SSBP2: variants seen among roughly 807,000 people sequenced by gnomAD.
SSBP2 encodes single-stranded DNA-binding protein 2.
SSBP2 carries 17 observed loss-of-function variants against 61.8 expected under a neutral mutation model. That is an observed-to-expected ratio of 0.28 (90% CI 0.19 to 0.41). The LOEUF (loss-of-function observed/expected upper bound fraction) is 0.41, where lower values mean the gene tolerates loss of function less well. Ranked by LOEUF, SSBP2 falls within the 10% of genes least tolerant of loss-of-function variation. The probability of loss-of-function intolerance (pLI) is 1.00; values close to 1 mark genes in which losing one functional copy is unlikely to be tolerated. For synonymous variants in SSBP2, 139 were observed against 141.3 expected, an observed-to-expected ratio of 0.98 and a Z score of 0.12; for missense variants, 310 against 458.7, an observed-to-expected ratio of 0.68 and a Z score of 2.96.
chr5:81,744,885 TGA>T (rs1288762560), intron 1 of SSBP2, among the ~76,000 whole-genome samples: 4 of 152,130 alleles, frequency 2.6e-5, no homozygotes, highest in Admixed American at 2.6e-4. Context: ...TCTAAAGAAA[TGA>T]CACCAACTGA....
intron 4 of SSBP2, among the ~76,000 whole-genome samples, chr5:81,571,325 T>TAG (rs1387511846): frequency 6.6e-6 from 1 of 152,166 alleles, no homozygotes. Flanking sequence ...TTGAAGGCTT[T>TAG]AGCAAGACAT....
At chr5:81,423,406 G>C (rs1761735482) in intron 16 of SSBP2, among the ~76,000 whole-genome samples, 1 of 152,170 alleles carries the variant, frequency 6.6e-6, no homozygotes, top group East Asian at 1.9e-4. Context: ...ACCAGTAAAA[G>C]ATACTAAGCA....
rs71000859 is a variant in SSBP2 at position 81,739,164 on chromosome 5, C to CAAAAA, written c.62+11812_62+11816dup. On this transcript the variant is annotated intron_variant, in intron 1 of 16. Coordinates refer to ENST00000320672, the MANE Select transcript of SSBP2 (RefSeq NM_012446.5). The stretch of plus-strand genomic sequence containing the variant: ...TGGTGACAGAGTGAGACTCCATCTC[C>CAAAAA]AAAAAAAAAAAAAAAAAAAAAAAAA... Among the ~76,000 whole-genome samples the CAAAAA allele has an allele frequency of 3.0e-3, 154 of 51,092 alleles. 8 individuals are homozygous for CAAAAA. The highest frequency in any genetic ancestry group is 9.9e-3 in the African/African-American group (138 of 14,002). The allele number at this position is 51,092 out of a possible 152,430, so 33.5% of individuals were successfully genotyped here.
chr5:81,618,293 G>T lies in SSBP2; in HGVS notation c.198-2736C>A, dbSNP rs1430326758. On this transcript the variant is annotated intron_variant, in intron 3 of 16. Coordinates refer to ENST00000320672, the MANE Select transcript of SSBP2 (RefSeq NM_012446.5). ...CCAATGGAAAACAAAAAAAGGCAGG[G>T]GTTGCAATCCTAGTTTCTGATAAAA... is the stretch of plus-strand genomic sequence containing the variant. 3.0e-5 allele frequency among the ~76,000 whole-genome samples: 3 copies of T among 99,750 alleles called. 1 individual carries two copies. The highest frequency in any genetic ancestry group is 9.8e-5 in the African/African-American group (3 of 30,678). The allele number at this position is 99,750 out of a possible 152,430, so 65.4% of individuals were successfully genotyped here.
chr5:81,525,583 T>C (rs1230830517), intron 4 of SSBP2, among the ~76,000 whole-genome samples: 1 of 152,046 alleles, frequency 6.6e-6, no homozygotes, highest in African/African-American at 2.4e-5. Context: ...CTACCTGCAG[T>C]TGGATTCCCT....
In SSBP2 at chr5:81,679,350, A is replaced by G. The variant is rs114880780; in HGVS notation, c.63-29011T>C. Among the ~76,000 whole-genome samples, 1,310 of 152,346 alleles carry G rather than the reference A, an allele frequency of 8.6e-3. 14 individuals are homozygous for G. The highest frequency in any genetic ancestry group is 0.029 in the African/African-American group (1,226 of 41,580). The stretch of plus-strand genomic sequence containing the variant: ...CATTGACCTAATAGATAGTTGGTTC[A>G]AAGTAAAATATCAACAATGTATTTG... On this transcript the variant is annotated intron_variant, in intron 1 of 16. Coordinates refer to ENST00000320672, the MANE Select transcript of SSBP2 (RefSeq NM_012446.5).
At chr5:81,548,707 G>A (rs2154126589) in intron 4 of SSBP2, among the ~76,000 whole-genome samples, 1 of 152,274 alleles carries the variant, frequency 6.6e-6, no homozygotes, top group East Asian at 1.9e-4. Context: ...TGGATCACGA[G>A]GTCAGGAGAT....
intron 8 of SSBP2, among the ~76,000 whole-genome samples, chr5:81,470,933 CCT>C (rs1399672827): frequency 6.6e-5 from 10 of 151,624 alleles, no homozygotes; most frequent in Admixed American, 2.0e-4. Flanking sequence ...ATAAGATTCC[CCT>C]GATTCCAAAT....
intron 1 of SSBP2, among the ~76,000 whole-genome samples, chr5:81,707,934 TAAG>T (rs1250511825): frequency 2.0e-5 from 3 of 152,156 alleles, no homozygotes; most frequent in Non-Finnish European, 4.4e-5. Flanking sequence ...CACGTTGCTT[TAAG>T]AAAAAGAGCA....
rs1162684256 is a variant in SSBP2 at position 81,414,598 on chromosome 5, T to C, written c.*5906A>G. 6.6e-6 allele frequency: 1 copy of C among 152,210 alleles called. No individual in the cohort carries two copies. Among genetic ancestry groups the C allele is most frequent in the African/African-American group, 2.4e-5 (1 of 41,452 alleles). 9.4% of individuals were successfully genotyped at this position (152,210 alleles called of 1,614,324 possible). On this transcript the variant is annotated 3_prime_UTR_variant, in exon 17 of 17. Transcript: ENST00000320672. ...TAAACAAATGTCTGTATCAAACCAC[T>C]ATAATTACTGTGTAACACCTTGTAG...
intron 15 of SSBP2, among the ~76,000 whole-genome samples, chr5:81,431,521 C>T (rs1580661160): frequency 6.6e-6 from 1 of 152,090 alleles, no homozygotes; most frequent in Admixed American, 6.6e-5. Flanking sequence ...ACAATTTCCT[C>T]TGGCTGCCAT....
chr5:81,461,191 T>C (rs1426798458), intron 9 of SSBP2, 88 bp from the exon 10 acceptor site: 2 of 1,034,882 alleles, frequency 1.9e-6, no homozygotes, highest in Non-Finnish European at 2.7e-6. Context: ...ATAACATTTA[T>C]AATTCAGTTA....
chr5:81,676,091 C>T (rs115060440), intron 1 of SSBP2, among the ~76,000 whole-genome samples: 227 of 152,288 alleles, frequency 1.5e-3, no homozygotes, highest in African/African-American at 5.2e-3. Flanking sequence ...TAAATGCCAT[C>T]GCTTCTCTGT....
chr5:81,746,917 C>T (rs1215203568), intron 1 of SSBP2, among the ~76,000 whole-genome samples: 2 of 149,502 alleles, frequency 1.3e-5, no homozygotes, highest in Non-Finnish European at 3.0e-5. Flanking sequence ...ACTCTTTCTG[C>T]GGTAGTGTGG....
rs1435857062 is a variant in SSBP2 at position 81,450,457 on chromosome 5, C to CA, written c.688-1633dup. Among the ~76,000 whole-genome samples the CA allele has an allele frequency of 1.1e-4, 16 of 152,324 alleles. No homozygotes were observed. In the South Asian group the frequency reaches 3.3e-3, roughly 32 times the overall value. ...TCTGTCACTCTATATTGCCTATCATCATTCTTAAGCAACTTTAAGATACAA... is the reference window on the plus strand; with the variant it reads ...TCTGTCACTCTATATTGCCTATCATCAATTCTTAAGCAACTTTAAGATACAA... On this transcript the variant is annotated intron_variant, in intron 10 of 16. Transcript: ENST00000320672.
chr5:81,725,549 CATGT>C (rs909408814), intron 1 of SSBP2, among the ~76,000 whole-genome samples: 14 of 152,134 alleles, frequency 9.2e-5, no homozygotes, highest in Admixed American at 8.5e-4. Context: ...CATAAGAGGA[CATGT>C]ATGAAAATGA....
At chr5:81,612,931 C>T (rs1745600593) in intron 4 of SSBP2, among the ~76,000 whole-genome samples, 1 of 151,928 alleles carries the variant, frequency 6.6e-6, no homozygotes, top group Admixed American at 6.6e-5. Context: ...ATTATATTTA[C>T]ATGTTAGAAA....
chr5:81,559,376 G>T (rs1772856689), intron 4 of SSBP2, among the ~76,000 whole-genome samples: 1 of 127,174 alleles, frequency 7.9e-6, no homozygotes, highest in Non-Finnish European at 1.6e-5. Flanking sequence ...GACAGAGCGA[G>T]ATTTCATCAA....
chr5:81,719,793 T>C (rs1313319340), intron 1 of SSBP2, among the ~76,000 whole-genome samples: 2 of 152,104 alleles, frequency 1.3e-5, no homozygotes, highest in Admixed American at 1.3e-4. Flanking sequence ...AAAAGGCCAA[T>C]GCAGGGCAGG....
Sources: gnomAD v4.1 joint callset for allele counts (sites outside exome capture counted in the v4.1 genomes callset) on GRCh38, gnomAD v4.1.1 for gene constraint, MANE v1.5 for transcripts, NCBI Gene and HGNC (gene_info 2026-07-23, HGNC 2026-07-21) for gene names.